AOAH: variants seen among roughly 807,000 people sequenced by gnomAD.
AOAH encodes the protein acyloxyacyl hydrolase (neutrophil).
Under a neutral mutation model 92.2 loss-of-function variants are expected in AOAH, and 64 were observed. The observed-to-expected ratio is 0.69, with a 90% CI of 0.57 to 0.86. The LOEUF (loss-of-function observed/expected upper bound fraction) is 0.86. AOAH is among the 40% of genes least tolerant of loss of function. The probability of loss-of-function intolerance (pLI) is 0.00; values close to 1 mark genes in which losing one functional copy is unlikely to be tolerated. For missense variants in AOAH, 656 were observed against 694.6 expected (o/e 0.94, Z 0.62); for synonymous variants, 263 against 254.5 (o/e 1.03, Z -0.32).
In AOAH at chr7:36,624,391, C is replaced by T. The variant is rs541513977; in HGVS notation, c.522-1141G>A. On this transcript the variant is annotated intron_variant, in intron 6 of 20. Transcript: ENST00000617537. Reference sequence around the variant, plus strand: ...AACCTCAAGGCAAATAAATGCAACCCAAGACCATGCAGAGCCTAAATGGCA... The same window carrying T: ...AACCTCAAGGCAAATAAATGCAACCTAAGACCATGCAGAGCCTAAATGGCA... 2.6e-5 allele frequency among the ~76,000 whole-genome samples: 4 copies of T among 152,156 alleles called. No individual in the cohort carries two copies. In the East Asian group the frequency reaches 5.8e-4, roughly 22 times the overall value.
At chr7:36,634,147 A>G (rs1793354601) in intron 5 of AOAH, among the ~76,000 whole-genome samples, 1 of 152,206 alleles carries the variant, frequency 6.6e-6, no homozygotes, top group South Asian at 2.1e-4. Flanking sequence ...GACACACTGC[A>G]AAACAAGCAT....
chr7:36,649,493 C>T (rs776407926), intron 4 of AOAH, among the ~76,000 whole-genome samples: 5 of 152,108 alleles, frequency 3.3e-5, no homozygotes, highest in Non-Finnish European at 7.4e-5. Context: ...AGCTCACACC[C>T]GACCAATCAG....
At chr7:36,520,982 T>C (rs1784078600) in intron 20 of AOAH, among the ~76,000 whole-genome samples, 1 of 152,222 alleles carries the variant, frequency 6.6e-6, no homozygotes, top group Non-Finnish European at 1.5e-5. Context: ...TACTCATTTG[T>C]TGGGGAGTGA....
chr7:36,525,027 G>C (rs866276818), intron 19 of AOAH, among the ~76,000 whole-genome samples: 2 of 152,232 alleles, frequency 1.3e-5, no homozygotes, highest in South Asian at 4.1e-4. Context: ...CTAAAAAGTT[G>C]TGAAGAGTTG....
At chr7:36,523,324 T>G (rs1246081242) in intron 19 of AOAH, among the ~76,000 whole-genome samples, 2 of 152,188 alleles carry the variant, frequency 1.3e-5, no homozygotes, top group Non-Finnish European at 2.9e-5. Flanking sequence ...AAACTCAAAT[T>G]GAGGACACTG....
chr7:36,660,115 T>C (rs1795121600), intron 3 of AOAH, among the ~76,000 whole-genome samples: 3 of 152,218 alleles, frequency 2.0e-5, no homozygotes, highest in Non-Finnish European at 1.5e-5. Flanking sequence ...TTCCATTACC[T>C]ACCCAACTCC....
intron 11 of AOAH, among the ~76,000 whole-genome samples, chr7:36,604,466 T>G (rs1286050127): frequency 6.6e-6 from 1 of 152,194 alleles, no homozygotes; most frequent in Admixed American, 6.5e-5. Flanking sequence ...ACAGTGATAG[T>G]TGGGCATAGG....
chr7:36,530,557 T>A, intron 18 of AOAH, 43 bp from the exon 19 acceptor site: 1 of 1,397,028 alleles, frequency 7.2e-7, no homozygotes, highest in Non-Finnish European at 1.0e-6. Flanking sequence ...AAATCTAGAC[T>A]TTGGCTTTAG....
intron 17 of AOAH, 22 bp from the exon 18 acceptor site, chr7:36,532,228 T>A: frequency 6.2e-7 from 1 of 1,614,162 alleles, no homozygotes; most frequent in South Asian, 1.1e-5. Context: ...AAAACACTTT[T>A]GATTACAGAG....
chr7:36,569,265 A>G (rs964563964), intron 13 of AOAH, among the ~76,000 whole-genome samples: 4 of 152,188 alleles, frequency 2.6e-5, no homozygotes, highest in South Asian at 2.1e-4. Context: ...GAAGGCTGCC[A>G]GTGAAAAAGA....
chr7:36,517,230 C>CTT (rs1205876365), intron 20 of AOAH, among the ~76,000 whole-genome samples: 3 of 83,106 alleles, frequency 3.6e-5, no homozygotes, highest in South Asian at 3.9e-4. Context: ...CTTTCTGTCT[C>CTT]TCTCTCTCTC....
chr7:36,538,876 G>A (rs886322485), intron 16 of AOAH, among the ~76,000 whole-genome samples: 4 of 152,210 alleles, frequency 2.6e-5, no homozygotes, highest in East Asian at 3.8e-4. Context: ...TGATACATGA[G>A]TAACTCAAGA....
At chr7:36,663,507 A>G (rs551839520) in intron 3 of AOAH, among the ~76,000 whole-genome samples, 14 of 152,200 alleles carry the variant, frequency 9.2e-5, no homozygotes, top group Non-Finnish European at 1.6e-4. Context: ...AACCACGGAT[A>G]TCTTTGTAGT....
intron 19 of AOAH, among the ~76,000 whole-genome samples, chr7:36,526,340 C>T (rs1247778025): frequency 6.6e-6 from 1 of 152,180 alleles, no homozygotes; most frequent in African/African-American, 2.4e-5. Flanking sequence ...GACAGTAAAA[C>T]TTAAGGGAGC....
chr7:36,711,266 T>A (rs1255522689), intron 1 of AOAH, among the ~76,000 whole-genome samples: 1 of 152,168 alleles, frequency 6.6e-6, no homozygotes, highest in African/African-American at 2.4e-5. Flanking sequence ...TTAATGGGGA[T>A]TTTACTCTGC....
At position 36,681,604 on chromosome 7, in the gene AOAH, A is replaced by C. The variant is rs555369444; in HGVS notation, c.223+5095T>G. Among the ~76,000 whole-genome samples, 124 of 152,276 alleles carry C rather than the reference A, an allele frequency of 8.1e-4. 1 individual carries two copies. Among genetic ancestry groups the C allele is most frequent in the African/African-American group, 2.9e-3 (122 of 41,538 alleles). On this transcript the variant is annotated intron_variant, in intron 2 of 20. Coordinates refer to ENST00000617537, the MANE Select transcript of AOAH (RefSeq NM_001637.4). ...CAGATCACCTGAGGTCAGGAGTTAA[A>C]GACCAGCCTGACCAACATGGTGAAA...
chr7:36,552,909 C>A (rs1786378934), intron 13 of AOAH, among the ~76,000 whole-genome samples: 1 of 151,582 alleles, frequency 6.6e-6, no homozygotes. Flanking sequence ...TGATTTAGTT[C>A]TTTTTATGGC....
intron 19 of AOAH, among the ~76,000 whole-genome samples, chr7:36,528,030 C>T (rs984535068): frequency 1.3e-5 from 2 of 152,180 alleles, no homozygotes; most frequent in Non-Finnish European, 2.9e-5. Flanking sequence ...GTGGACATGG[C>T]GGCACCTAGA....
At chr7:36,637,310 G>A (rs183790567) in intron 5 of AOAH, among the ~76,000 whole-genome samples, 3 of 152,284 alleles carry the variant, frequency 2.0e-5, no homozygotes, top group Admixed American at 6.5e-5. Context: ...ACTGGAGGAC[G>A]CTATTATCAT....
Sources: allele counts gnomAD v4.1 joint callset (sites outside exome capture counted in the v4.1 genomes callset), GRCh38; gene constraint gnomAD v4.1.1; transcripts MANE v1.5; gene names NCBI Gene and HGNC (gene_info 2026-07-23, HGNC 2026-07-21).